TENM4: variants seen among roughly 807,000 people sequenced by gnomAD.
TENM4 encodes the protein teneurin-4.
Under a neutral mutation model 243.3 loss-of-function variants are expected in TENM4, and 82 were observed. The observed-to-expected ratio is 0.34, with a 90% CI of 0.28 to 0.40. The LOEUF is 0.40. Among genes scored for constraint, TENM4 ranks in the 10% least tolerant of loss-of-function variants. TENM4 has a pLI of 1.00. For synonymous variants in TENM4, 1,412 were observed against 1,456.3 expected, an observed-to-expected ratio of 0.97 and a Z score of 0.69; for missense variants, 3,138 against 3,673.3, an observed-to-expected ratio of 0.85 and a Z score of 3.77.
intron 2 of TENM4, among the ~76,000 whole-genome samples, chr11:79,254,925 T>C (rs1855674671): frequency 1.3e-5 from 2 of 152,060 alleles, no homozygotes; most frequent in African/African-American, 4.8e-5. Context: ...TCGGGTAGAA[T>C]AGAAGCTTTT....
chr11:78,894,979 TAA>T (rs67819510), intron 7 of TENM4, among the ~76,000 whole-genome samples: 14,561 of 58,342 alleles, frequency 0.25, 1,364 homozygotes, highest in Non-Finnish European at 0.37. Flanking sequence ...GACTCGGCCT[TAA>T]AAAAAAAAAA....
intron 19 of TENM4, among the ~76,000 whole-genome samples, chr11:78,747,808 C>T (rs1856086253): frequency 6.6e-6 from 1 of 152,192 alleles, no homozygotes; most frequent in Non-Finnish European, 1.5e-5. Context: ...ATTTTAACTT[C>T]TTATTGCTTA....
At chr11:79,339,101 T>C (rs1051558500) in intron 1 of TENM4, among the ~76,000 whole-genome samples, 1 of 152,182 alleles carries the variant, frequency 6.6e-6, no homozygotes, top group Non-Finnish European at 1.5e-5. Context: ...TGGTTTTCCC[T>C]GTACTCCAAC....
At chr11:79,235,619 G>T (rs1864450576) in intron 2 of TENM4, among the ~76,000 whole-genome samples, 1 of 152,170 alleles carries the variant, frequency 6.6e-6, no homozygotes, top group African/African-American at 2.4e-5. Context: ...ACTAAAAGCT[G>T]GACCAGGGGA....
chr11:79,390,095 G>A (rs79518016), intron 1 of TENM4, among the ~76,000 whole-genome samples: 4,375 of 152,282 alleles, frequency 0.029, 216 homozygotes, highest in African/African-American at 0.1. Flanking sequence ...TTGGGCAGGT[G>A]AGGCCTAATA....
intron 6 of TENM4, among the ~76,000 whole-genome samples, chr11:79,024,072 T>G (rs1188337964): frequency 1.3e-5 from 2 of 152,226 alleles, no homozygotes; most frequent in Non-Finnish European, 2.9e-5. Context: ...AGTTTTCCCT[T>G]AGAGTTGCCA....
chr11:79,060,832 T>C (rs185840966), intron 6 of TENM4, among the ~76,000 whole-genome samples: 1 of 152,138 alleles, frequency 6.6e-6, no homozygotes, highest in East Asian at 1.9e-4. Context: ...TAGCATGAGG[T>C]TGCTGCCTTT....
chr11:78,696,204 G>A (rs573024895), intron 28 of TENM4, among the ~76,000 whole-genome samples: 5 of 152,048 alleles, frequency 3.3e-5, no homozygotes, highest in South Asian at 4.2e-4. Context: ...CCTTATAACC[G>A]TGGTTTTCAT....
At chr11:78,748,978 T>C (rs1339582207) in intron 19 of TENM4, among the ~76,000 whole-genome samples, 1 of 152,170 alleles carries the variant, frequency 6.6e-6, no homozygotes, top group African/African-American at 2.4e-5. Context: ...AGGACTTGAA[T>C]CCAGGCTCTC....
intron 16 of TENM4, among the ~76,000 whole-genome samples, chr11:78,785,892 G>A (rs1856924544): frequency 6.6e-6 from 1 of 151,956 alleles, no homozygotes. Context: ...AGACCCAAGA[G>A]GTCACTTTCT....
At chr11:78,998,469 G>A (rs1858231685) in intron 6 of TENM4, among the ~76,000 whole-genome samples, 1 of 152,222 alleles carries the variant, frequency 6.6e-6, no homozygotes, top group Non-Finnish European at 1.5e-5. Flanking sequence ...AAAAGGAAAT[G>A]TAAAGTTTGA....
chr11:79,409,864 T>A (rs1858661891), intron 1 of TENM4, among the ~76,000 whole-genome samples: 2 of 152,310 alleles, frequency 1.3e-5, no homozygotes, highest in South Asian at 4.1e-4. Context: ...AGCAAATGTG[T>A]CAGTGTCCCT....
chr11:78,899,573 A>AGGGG lies in TENM4; in HGVS notation c.749+3694_749+3695insCCCC, dbSNP rs1565430097. ...GTCTCAAAAAGCGGGGGGGGGGGGAAAAAGAAAAAAGAAAGAAAATTTGAT... is the reference window on the plus strand; with the variant it reads ...GTCTCAAAAAGCGGGGGGGGGGGGAAGGGGAAAGAAAAAAGAAAGAAAATTTGAT... On this transcript the variant is annotated intron_variant, in intron 7 of 33. Coordinates refer to ENST00000278550, the MANE Select transcript of TENM4 (RefSeq NM_001098816.3). Among the ~76,000 whole-genome samples, 213 of 69,974 alleles carry AGGGG rather than the reference A, an allele frequency of 3.0e-3. 23 individuals carry two copies. The East Asian group carries it at 0.031, about 10-fold the overall frequency. 45.9% of individuals were successfully genotyped at this position (69,974 alleles called of 152,430 possible). A position where few individuals can be genotyped will look rare whatever the true frequency, so the allele number is the denominator to read the frequency against.
intron 1 of TENM4, among the ~76,000 whole-genome samples, chr11:79,346,699 G>A (rs1021406169): frequency 6.6e-5 from 10 of 152,230 alleles, no homozygotes; most frequent in Non-Finnish European, 1.3e-4. Context: ...CTAAAAATCC[G>A]CTTCACTTTC....
chr11:78,805,277 T>TGCCCCCCCCCCCCAC lies in TENM4; in HGVS notation c.2179+14_2179+15insGTGGGGGGGGGGGGC. 2 of 1,402,548 alleles carry TGCCCCCCCCCCCCAC rather than the reference T, an allele frequency of 1.4e-6. No individual in the cohort carries two copies. The highest frequency in any genetic ancestry group is 1.9e-6 in the Non-Finnish European group (2 of 1,033,114). 86.9% of individuals were successfully genotyped at this position (1,402,548 alleles called of 1,614,324 possible). A position where few individuals can be genotyped will look rare whatever the true frequency, so the allele number is the denominator to read the frequency against. ...CCCCTCCCTCTACCCATGCTTCTTC[T>TGCCCCCCCCCCCCAC]CCCCCTGCATTTACCGATAGAACAG... On this transcript the variant is annotated intron_variant, in intron 15 of 33. Transcript: ENST00000278550.
rs904014883 is a variant in TENM4, at chr11:78,868,008, T to A, written c.1085-4876A>T. 2.0e-5 allele frequency among the ~76,000 whole-genome samples: 3 copies of A among 150,508 alleles called. No homozygotes were observed. The East Asian group carries it at 5.8e-4, about 29-fold the overall frequency. On this transcript the variant is annotated intron_variant, in intron 9 of 33. Coordinates refer to ENST00000278550, the MANE Select transcript of TENM4 (RefSeq NM_001098816.3). ...AATATTCCCTGGCCCACAGCAATCTTCATTTAAAGCTGTGTATAGCAGCTG... is the reference window on the plus strand; with the variant it reads ...AATATTCCCTGGCCCACAGCAATCTACATTTAAAGCTGTGTATAGCAGCTG...
At chr11:78,699,341 T>G (rs141116268) in intron 28 of TENM4, among the ~76,000 whole-genome samples, 1 of 152,354 alleles carries the variant, frequency 6.6e-6, no homozygotes, top group Admixed American at 6.5e-5. Context: ...GAACAGGGAC[T>G]TGTGTTCTGG....
At chr11:79,378,677 T>C (rs1412360205) in intron 1 of TENM4, among the ~76,000 whole-genome samples, 7 of 152,070 alleles carry the variant, frequency 4.6e-5, no homozygotes, top group African/African-American at 1.7e-4. Flanking sequence ...AAATATGTCT[T>C]AACCTTCCCT....
At chr11:79,237,632 G>A (rs1215078772) in intron 2 of TENM4, among the ~76,000 whole-genome samples, 5 of 152,126 alleles carry the variant, frequency 3.3e-5, no homozygotes, top group South Asian at 2.1e-4. Context: ...AGCCAAGTTC[G>A]TACCACTGCA....
Sources: allele counts gnomAD v4.1 joint callset (sites outside exome capture counted in the v4.1 genomes callset), GRCh38; gene constraint gnomAD v4.1.1; transcripts MANE v1.5; gene names NCBI Gene and HGNC (gene_info 2026-07-23, HGNC 2026-07-21).